Variants in SLC39A10 observed in about 807,000 individuals in gnomAD.
The protein encoded by SLC39A10 is zinc transporter ZIP10.
In SLC39A10, 13 loss-of-function variants were observed where a neutral mutation model predicts 65.1. The observed-to-expected ratio is 0.20, with a 90% CI of 0.13 to 0.32. The LOEUF (loss-of-function observed/expected upper bound fraction) is 0.32. SLC39A10 is among the 10% of genes least tolerant of loss of function. The probability of loss-of-function intolerance (pLI) is 1.00; values close to 1 mark genes in which losing one functional copy is unlikely to be tolerated. For synonymous variants in SLC39A10, 321 were observed against 342.2 expected (o/e 0.94, Z 0.68); for missense variants, 831 against 1,018.4 (o/e 0.82, Z 2.50).
chr2:195,662,653 T>C (rs1689452427), intron 1 of SLC39A10, among the ~76,000 whole-genome samples: 1 of 152,238 alleles, frequency 6.6e-6, no homozygotes, highest in South Asian at 2.1e-4. Flanking sequence ...GGCTTTTTTC[T>C]AAATTCACTT....
At position 195,728,357 on chromosome 2, in the gene SLC39A10, A is replaced by G. The variant is rs758994822; in HGVS notation, c.2337+8A>G. 7.5e-6 allele frequency: 12 copies of G among 1,604,364 alleles called. No homozygotes were observed. ...GTAGCCTTGGTGGATATGGTAAGAT[A>G]TTTTATATTTTTTTGTGGTACTAAA... On this transcript the variant is annotated splice_region_variant and intron_variant, in intron 9 of 9. Transcript: ENST00000359634. The surrounding 1 kb of genome is among the most constrained non-coding windows in gnomAD (Gnocchi z 4.4).
chr2:195,720,778 C>T (rs770988784), intron 8 of SLC39A10, among the ~76,000 whole-genome samples: 14 of 152,130 alleles, frequency 9.2e-5, no homozygotes, highest in Non-Finnish European at 1.8e-4. Flanking sequence ...AAGTCATCAC[C>T]GCCTTTGTGG....
Position 195,716,777 on chromosome 2 carries a change from T to G in SLC39A10, c.1837T>G (p.Leu613Val). Residue 613 changes from leucine to valine, a missense_variant, in exon 7 of 10, where the codon TTA becomes GTA. Around this residue, in one of 4 missense-constraint regions of SLC39A10, gnomAD observed 230 missense variants for 242.9 expected, o/e 0.95. Transcript: ENST00000359634. ...CATAGACCATTCTCACAGTGATGGA[T>G]TACATACCATTCATGAGCATGATCT... ...KIIDHSHSDG[L>V]HTIHEHDLHA... 1.2e-6 allele frequency: 2 copies of G among 1,614,134 alleles called. No homozygotes were observed. The highest frequency in any genetic ancestry group is 1.7e-6 in the Non-Finnish European group (2 of 1,180,018).
intron 2 of SLC39A10, among the ~76,000 whole-genome samples, chr2:195,620,672 T>C (rs1688330859): frequency 6.6e-6 from 1 of 152,018 alleles, no homozygotes; most frequent in African/African-American, 2.4e-5. Flanking sequence ...ATCCCCACTC[T>C]AAGTCATCTA....
chr2:195,633,444 C>T (rs576139476), intron 2 of SLC39A10, among the ~76,000 whole-genome samples: 1 of 152,194 alleles, frequency 6.6e-6, no homozygotes, highest in African/African-American at 2.4e-5. Context: ...CAGTGAGGCT[C>T]TTTTAGTTTT....
At chr2:195,727,947 T>G (rs1048241434) in intron 8 of SLC39A10, among the ~76,000 whole-genome samples, 2 of 152,180 alleles carry the variant, frequency 1.3e-5, no homozygotes, top group African/African-American at 4.8e-5. Context: ...ATATAACCTT[T>G]CAGATGGACA....
intron 8 of SLC39A10, among the ~76,000 whole-genome samples, chr2:195,726,442 G>GA (rs1278006315): frequency 6.6e-6 from 1 of 152,098 alleles, no homozygotes; most frequent in Non-Finnish European, 1.5e-5. Context: ...TTTCCACAGA[G>GA]AAAAAGCTGA....
At chr2:195,716,315 T>C (rs1203428933) in intron 6 of SLC39A10, among the ~76,000 whole-genome samples, 1 of 152,184 alleles carries the variant, frequency 6.6e-6, no homozygotes, top group Admixed American at 6.5e-5. Context: ...CTTCATGCTT[T>C]CCAGTTTTTC....
At chr2:195,720,081 C>T (rs770784870) in intron 8 of SLC39A10, among the ~76,000 whole-genome samples, 35 of 152,226 alleles carry the variant, frequency 2.3e-4, no homozygotes, top group Non-Finnish European at 2.9e-4. Flanking sequence ...TGAGCCACTG[C>T]GCCCGGCCAT....
intron 1 of SLC39A10, among the ~76,000 whole-genome samples, chr2:195,674,147 A>C (rs1689984747): frequency 6.6e-6 from 1 of 152,226 alleles, no homozygotes; most frequent in Non-Finnish European, 1.5e-5. Flanking sequence ...ATGTTAATAC[A>C]AAGTCCTTCA....
intron 8 of SLC39A10, among the ~76,000 whole-genome samples, chr2:195,719,104 TA>T (rs1490882853): frequency 2.0e-5 from 3 of 152,054 alleles, no homozygotes; most frequent in Non-Finnish European, 4.4e-5. Context: ...CTTTCAACTA[TA>T]GTAATCATAT....
intron 4 of SLC39A10, 69 bp from the exon 5 acceptor site, chr2:195,708,587 T>C (rs1378413179): frequency 7.5e-6 from 9 of 1,205,878 alleles, no homozygotes; most frequent in African/African-American, 1.6e-5. Context: ...ATTATAATTA[T>C]TATAATTTCA....
chr2:195,679,939 T>C, intron 1 of SLC39A10, 93 bp from the exon 2 acceptor site: 1 of 1,096,726 alleles, frequency 9.1e-7, no homozygotes, highest in South Asian at 2.2e-5. Context: ...AGTAAAACTT[T>C]TTTTAGTGGA....
chr2:195,657,775 G>C (rs1689214670), intron 1 of SLC39A10, among the ~76,000 whole-genome samples: 2 of 152,152 alleles, frequency 1.3e-5, no homozygotes, highest in Admixed American at 6.5e-5. Context: ...CCAGCGCCCC[G>C]GTTTTTTCTT....
chr2:195,653,844 G>T (rs971437471), upstream of SLC39A10, among the ~76,000 whole-genome samples: 2 of 152,226 alleles, frequency 1.3e-5, no homozygotes, highest in Non-Finnish European at 2.9e-5. Context: ...TTAGGAAGGG[G>T]TCTTTATCAT....
intron 3 of SLC39A10, among the ~76,000 whole-genome samples, chr2:195,694,254 T>C (rs1322436493): frequency 6.6e-6 from 1 of 152,220 alleles, no homozygotes; most frequent in Non-Finnish European, 1.5e-5. Flanking sequence ...CATGTGCTGA[T>C]GAATAGAATG....
intron 2 of SLC39A10, among the ~76,000 whole-genome samples, chr2:195,615,782 C>T (rs1035083807): frequency 1.3e-5 from 2 of 152,200 alleles, no homozygotes; most frequent in African/African-American, 4.8e-5. Context: ...CCACTGCATT[C>T]TTCAGATATA....
rs1692334251 is a variant in SLC39A10 at position 195,728,894 on chromosome 2, A to ATGTT, written c.2337+556_2337+559dup. Among the ~76,000 whole-genome samples the ATGTT allele has an allele frequency of 6.7e-6, 1 of 148,526 alleles. No individual in the cohort carries two copies. The highest frequency in any genetic ancestry group is 2.1e-4 in the South Asian group (1 of 4,676). ...TTACAGAACTAGCAATTAGGTTTTT[A>ATGTT]TGTTTGTTTGTTTGACTAGATAGGA... On this transcript the variant is annotated intron_variant, in intron 9 of 9. Coordinates refer to ENST00000359634, the MANE Select transcript of SLC39A10 (RefSeq NM_020342.3). This position sits in a 1 kb window ranked among gnomAD's most constrained non-coding sequence, Gnocchi z 4.4.
intron 1 of SLC39A10, chr2:195,658,144 T>C (rs536438803): frequency 2.6e-5 from 4 of 152,662 alleles, no homozygotes; most frequent in East Asian, 1.9e-4. Flanking sequence ...GGGAATCTGC[T>C]GAACTCCTTG....
Sources: gnomAD v4.1 joint callset for allele counts (sites outside exome capture counted in the v4.1 genomes callset) on GRCh38, gnomAD v4.1.1 for gene constraint, gnomAD v4.1.1 regional missense constraint, Gnocchi (gnomAD v3.1) non-coding constraint, MANE v1.5 for transcripts, NCBI Gene and HGNC (gene_info 2026-07-23, HGNC 2026-07-21) for gene names.